Variants in COL5A2 observed in about 807,000 individuals in gnomAD.
COL5A2 encodes collagen type V alpha 2 chain.
Under a neutral mutation model 208.2 loss-of-function variants are expected in COL5A2, and 23 were observed. The ratio of observed to expected loss-of-function variants is 0.11; its 90% confidence interval spans 0.08 to 0.16. The LOEUF (loss-of-function observed/expected upper bound fraction) is 0.16, where lower values mean the gene tolerates loss of function less well. Ranked by LOEUF, COL5A2 falls within the 10% of genes least tolerant of loss-of-function variation. The pLI, the probability that COL5A2 is intolerant of heterozygous loss-of-function variation, is 1.00. For synonymous variants in COL5A2, 625 were observed against 628.5 expected (o/e 0.99, Z 0.08); for missense variants, 1,590 against 1,956.4 (o/e 0.81, Z 3.53).
chr2:189,143,150 C>T (rs1217046112), intron 1 of COL5A2, among the ~76,000 whole-genome samples: 1 of 152,128 alleles, frequency 6.6e-6, no homozygotes, highest in African/African-American at 2.4e-5. Context: ...GTTTGGAGGG[C>T]TGTTGTATAT....
At chr2:189,121,265 T>C (rs1687494550) in intron 1 of COL5A2, among the ~76,000 whole-genome samples, 1 of 152,106 alleles carries the variant, frequency 6.6e-6, no homozygotes, top group African/African-American at 2.4e-5. Flanking sequence ...AGCAGTTTTT[T>C]CCAAAAATTC....
At chr2:189,267,414 T>G in the COL5A2 span, among the ~76,000 whole-genome samples, 1 of 152,124 alleles carries the variant, frequency 6.6e-6, no homozygotes, top group Non-Finnish European at 1.5e-5. Flanking sequence ...TTATTAAAAA[T>G]ACAATCACAA....
intron 8 of COL5A2, 144 bp from the exon 9 acceptor site, chr2:189,086,914 G>C: frequency 1.4e-6 from 1 of 701,736 alleles, no homozygotes; most frequent in Non-Finnish European, 2.5e-6. Context: ...GTACTCATTT[G>C]GAAGGCAGCT....
the COL5A2 span, among the ~76,000 whole-genome samples, chr2:189,233,699 T>C: frequency 3.3e-5 from 5 of 151,842 alleles, no homozygotes; most frequent in Non-Finnish European, 7.4e-5. Context: ...TTTATGATGA[T>C]GCAAAAGTGA....
Position 189,050,617 on chromosome 2 carries a change from C to T in COL5A2, c.2991G>A (p.Met997Ile), listed in dbSNP as rs1307247762. ...TGCCTCTCTCTCCACGTTGCCCAGG[C>T]ATGCCAACAATTCCTCTCTGCCCGG... ...GTTGQRGIVG[M>I]PGQRGERGMP... Residue 997 changes from methionine (M) to isoleucine (I), a missense_variant, in exon 43 of 54, where the codon ATG (methionine) becomes ATA (isoleucine). By Grantham distance (10) the Met-to-Ile change is conservative. Coordinates refer to ENST00000374866, the MANE Select transcript of COL5A2 (RefSeq NM_000393.5). 2 of 1,552,474 alleles carry T rather than the reference C, an allele frequency of 1.3e-6. No individual in the cohort carries two copies. Among genetic ancestry groups the T allele is most frequent in the Non-Finnish European group, 1.7e-6 (2 of 1,147,444 alleles).
At chr2:189,188,219 T>A (rs1389823558) in intron 1 of COL5A2, among the ~76,000 whole-genome samples, 1 of 152,214 alleles carries the variant, frequency 6.6e-6, no homozygotes, top group African/African-American at 2.4e-5. Flanking sequence ...TTTTCTTCAC[T>A]GCAAAAATTT....
chr2:189,246,683 G>C, the COL5A2 span, among the ~76,000 whole-genome samples: 36 of 152,332 alleles, frequency 2.4e-4, no homozygotes, highest in Middle Eastern at 3.4e-3. Flanking sequence ...TGCAGTGTGA[G>C]AACGTGGTAA....
At chr2:189,241,219 A>AT in the COL5A2 span, among the ~76,000 whole-genome samples, 14 of 151,706 alleles carry the variant, frequency 9.2e-5, no homozygotes, top group Admixed American at 5.3e-4. Flanking sequence ...CTTAATTACT[A>AT]TTTTTTTTGT....
chr2:189,229,660 A>C (rs1004810904), upstream of COL5A2, among the ~76,000 whole-genome samples: 4 of 151,824 alleles, frequency 2.6e-5, no homozygotes, highest in Non-Finnish European at 5.9e-5. Flanking sequence ...AAACTATAAG[A>C]CATTAAAGAA....
chr2:189,372,642 AG>A, the COL5A2 span, among the ~76,000 whole-genome samples: 4 of 152,156 alleles, frequency 2.6e-5, no homozygotes, highest in African/African-American at 9.7e-5. Context: ...GTGGACTAGC[AG>A]GAGGATTTTT....
intron 1 of COL5A2, among the ~76,000 whole-genome samples, chr2:189,163,365 C>T (rs990651341): frequency 6.6e-6 from 1 of 152,176 alleles, no homozygotes; most frequent in Non-Finnish European, 1.5e-5. Flanking sequence ...GAGTCTGTGG[C>T]TAAACAGCAT....
At chr2:189,083,019 A>G (rs1323387302) in intron 12 of COL5A2, among the ~76,000 whole-genome samples, 1 of 152,196 alleles carries the variant, frequency 6.6e-6, no homozygotes, top group Non-Finnish European at 1.5e-5. Flanking sequence ...TGTTTAAAAC[A>G]TTTCCTAGCA....
intron 51 of COL5A2, 26 bp downstream of exon 51, chr2:189,039,246 G>T (rs1179178499): frequency 6.2e-7 from 1 of 1,612,688 alleles, no homozygotes; most frequent in Non-Finnish European, 8.5e-7. Context: ...AACGGGTTTT[G>T]CTCAAATGGG....
In COL5A2 at chr2:189,049,781, G is replaced by A. The variant is rs374829573; in HGVS notation, c.3040-327C>T. On this transcript the variant is annotated intron_variant, in intron 43 of 53. Transcript: ENST00000374866. ...CACTTTCATCCTTTTTCCCCGCTCT[G>A]CTTTGTCTGTTCATTTTATTTCTAT... 2.0e-5 allele frequency among the ~76,000 whole-genome samples: 3 copies of A among 152,182 alleles called. No homozygotes were observed. The East Asian group carries it at 5.8e-4, about 29-fold the overall frequency.
chr2:189,435,531 C>T, the COL5A2 span, among the ~76,000 whole-genome samples: 2 of 152,152 alleles, frequency 1.3e-5, no homozygotes, highest in Admixed American at 6.6e-5. Flanking sequence ...TGAACAGACA[C>T]TTCTCAAAAG....
chr2:189,152,323 T>C (rs1358892994), intron 1 of COL5A2, among the ~76,000 whole-genome samples: 2 of 152,230 alleles, frequency 1.3e-5, no homozygotes, highest in Non-Finnish European at 2.9e-5. Context: ...CTCCATGCCT[T>C]CCGGGCTACA....
chr2:189,039,341 C>T lies in COL5A2; in HGVS notation c.3856G>A (p.Asp1286Asn), dbSNP rs1194645204. The T allele has an allele frequency of 4.3e-6, 7 of 1,613,946 alleles. No homozygotes were observed. Among genetic ancestry groups the T allele is most frequent in the African/African-American group, 4.0e-5 (3 of 74,892 alleles). The change falls in exon 51 of 54, where the codon GAT becomes AAT. Residue 1286 changes from aspartate to asparagine, a missense_variant. Coordinates refer to ENST00000374866, the MANE Select transcript of COL5A2 (RefSeq NM_000393.5). ...SSQIETMRSP[D>N]GSKKHPARTC... ...CGGGCTGGGTGCTTTTTCGAGCCAT[C>T]GGGGCTGCGCATGGTTTCAATCTGA...
intron 1 of COL5A2, among the ~76,000 whole-genome samples, chr2:189,192,286 A>G (rs920993387): frequency 2.6e-5 from 4 of 152,216 alleles, no homozygotes; most frequent in Non-Finnish European, 4.4e-5. Flanking sequence ...GTTAAAAAAA[A>G]GGAAACAAAA....
At chr2:189,178,091 C>A (rs947512014) in intron 1 of COL5A2, among the ~76,000 whole-genome samples, 1 of 151,882 alleles carries the variant, frequency 6.6e-6, no homozygotes, top group African/African-American at 2.4e-5. Context: ...TTTTTGCCAC[C>A]CTTCCAAACA....
Sources: allele counts gnomAD v4.1 joint callset (sites outside exome capture counted in the v4.1 genomes callset), GRCh38; gene constraint gnomAD v4.1.1; transcripts MANE v1.5; gene names NCBI Gene and HGNC (gene_info 2026-07-23, HGNC 2026-07-21).